COX5A: variants seen among roughly 807,000 people sequenced by gnomAD.
COX5A encodes cytochrome c oxidase subunit 5A.
A neutral mutation model predicts 16.1 loss-of-function variants in COX5A; 6 were observed. The ratio of observed to expected loss-of-function variants is 0.37; its 90% confidence interval spans 0.20 to 0.73. The LOEUF (loss-of-function observed/expected upper bound fraction) is 0.73, where lower values mean the gene tolerates loss of function less well. Ranked by LOEUF, COX5A falls within the 30% of genes least tolerant of loss-of-function variation. The pLI, the probability that COX5A is intolerant of heterozygous loss-of-function variation, is 0.50. For synonymous variants in COX5A, 73 were observed against 73.8 expected (o/e 0.99, Z 0.06); for missense variants, 159 against 194.9 (o/e 0.82, Z 1.10).
Position 74,926,786 on chromosome 15 carries a change from G to A in COX5A, c.319C>T (p.Arg107Cys), listed in dbSNP as rs2065346374. 2 of 1,612,582 alleles carry A rather than the reference G, an allele frequency of 1.2e-6. No homozygotes were observed. Among genetic ancestry groups the A allele is most frequent in the Non-Finnish European group, 8.5e-7 (1 of 1,179,498 alleles). ...RRLNDFASTV[R>C]ILEVVKDKAG... ...CTGACCTTAACAACCTCTAGGATAC[G>A]AACTGTACTAGCAAAATCATTTAAC... Residue 107 changes from arginine to cysteine, a missense_variant, in exon 3 of 5, where the codon CGT (arginine) becomes TGT (cysteine). Coordinates refer to ENST00000322347, the MANE Select transcript of COX5A (RefSeq NM_004255.4).
intron 3 of COX5A, among the ~76,000 whole-genome samples, chr15:74,925,422 CTT>C (rs2065339085): frequency 1.3e-5 from 2 of 151,954 alleles, no homozygotes; most frequent in South Asian, 2.1e-4. Flanking sequence ...GTTTCTCTCT[CTT>C]GTTGCCCAGG....
In COX5A at chr15:74,920,457, A is replaced by G; in HGVS notation, c.*10-15T>C. ...GGGAAGCCCATCTGTAAGAGAAAAC[A>G]CAAAGAATTAGCCAGGAAAGAATAA... On this transcript the variant is annotated splice_polypyrimidine_tract_variant and intron_variant, in intron 4 of 4. Coordinates refer to ENST00000322347, the MANE Select transcript of COX5A (RefSeq NM_004255.4). 4.3e-6 allele frequency: 3 copies of G among 689,736 alleles called. No individual in the cohort carries two copies. The highest frequency in any genetic ancestry group is 7.9e-6 in the Non-Finnish European group (3 of 381,770). The allele number at this position is 689,736 out of a possible 1,614,324, so 42.7% of individuals were successfully genotyped here. A position where few individuals can be genotyped will look rare whatever the true frequency, so the allele number is the denominator to read the frequency against.
chr15:74,938,035 G>T lies in COX5A; in HGVS notation c.-21C>A. The T allele has an allele frequency of 3.3e-6, 4 of 1,226,756 alleles. No homozygotes were observed. Among genetic ancestry groups the T allele is most frequent in the Non-Finnish European group, 4.1e-6 (4 of 983,938 alleles). The allele number at this position is 1,226,756 out of a possible 1,614,324, so 76.0% of individuals were successfully genotyped here. A position where few individuals can be genotyped will look rare whatever the true frequency, so the allele number is the denominator to read the frequency against. ...AGCATGACGGCGATGGCGGCGCGCG[G>T]GCTGAGGACAGAGAGAAGCCGGTGT... On this transcript the variant is annotated 5_prime_UTR_variant, in exon 1 of 5. Coordinates refer to ENST00000322347, the MANE Select transcript of COX5A (RefSeq NM_004255.4).
intron 3 of COX5A, among the ~76,000 whole-genome samples, chr15:74,925,216 C>T (rs2065338149): frequency 6.6e-6 from 1 of 151,744 alleles, no homozygotes; most frequent in South Asian, 2.1e-4. Context: ...AGAAGAATTG[C>T]TTGAACCCAG....
chr15:74,933,092 T>C (rs138459765), intron 1 of COX5A, among the ~76,000 whole-genome samples: 13 of 152,154 alleles, frequency 8.5e-5, no homozygotes, highest in African/African-American at 2.4e-4. Flanking sequence ...TTAATAAGTC[T>C]TACAAGACTA....
chr15:74,922,866 A>G (rs879698897), intron 4 of COX5A, among the ~76,000 whole-genome samples: 5 of 151,906 alleles, frequency 3.3e-5, no homozygotes, highest in Non-Finnish European at 7.4e-5. Flanking sequence ...AGGTTTCACC[A>G]TGCTGGTCTC....
chr15:74,933,442 TCTATCTATCTA>T (rs1283399470), intron 1 of COX5A, among the ~76,000 whole-genome samples: 1 of 151,374 alleles, frequency 6.6e-6, no homozygotes, highest in Non-Finnish European at 1.5e-5. Context: ...TATCTATCTA[TCTATCTATCTA>T]TCTATCTATC....
intron 4 of COX5A, among the ~76,000 whole-genome samples, chr15:74,920,825 A>G (rs1300051939): frequency 6.6e-6 from 1 of 152,028 alleles, no homozygotes; most frequent in Non-Finnish European, 1.5e-5. Flanking sequence ...TAAAATACAA[A>G]AAATTAGCCT....
intron 2 of COX5A, 119 bp downstream of exon 2, chr15:74,928,997 T>C: frequency 1.4e-6 from 1 of 732,028 alleles, no homozygotes; most frequent in Non-Finnish European, 2.4e-6. Context: ...TAACTGCAAG[T>C]TGCATGAAGT....
In COX5A at chr15:74,923,921, T is replaced by A. The variant is rs1047106533; in HGVS notation, c.340-151A>T. 30 of 594,856 alleles carry A rather than the reference T, an allele frequency of 5.0e-5. No homozygotes were observed. The Admixed American group carries it at 6.0e-4, about 12-fold the overall frequency. 36.8% of individuals were successfully genotyped at this position (594,856 alleles called of 1,614,324 possible). ...TCAGCTGGGCATGGTGGCTCACACC[T>A]GTAATCCCAGCACTTTGGGAGGCTG... On this transcript the variant is annotated intron_variant, in intron 3 of 4. Transcript: ENST00000322347.
chr15:74,920,719 T>A lies in COX5A; in HGVS notation c.*10-277A>T, dbSNP rs2065315958. ...TGGGCCGGACACGGTGACTCATGCC[T>A]GTAACGCTAGCCCTTTGGAAAGCCG... On this transcript the variant is annotated intron_variant, in intron 4 of 4. Coordinates refer to ENST00000322347, the MANE Select transcript of COX5A (RefSeq NM_004255.4). 2.6e-5 allele frequency among the ~76,000 whole-genome samples: 4 copies of A among 152,296 alleles called. No homozygotes were observed. The South Asian group carries it at 8.3e-4, about 32-fold the overall frequency.
At chr15:74,920,982 A>AAAAAAAAG (rs1376620967) in intron 4 of COX5A, among the ~76,000 whole-genome samples, 1 of 151,980 alleles carries the variant, frequency 6.6e-6, no homozygotes, top group Non-Finnish European at 1.5e-5. Flanking sequence ...GTCTCCCAAC[A>AAAAAAAAG]AAAAAAAGAA....
intron 2 of COX5A, among the ~76,000 whole-genome samples, chr15:74,928,455 G>A (rs2065353048): frequency 6.6e-6 from 1 of 151,992 alleles, no homozygotes; most frequent in Non-Finnish European, 1.5e-5. Flanking sequence ...CGCGATCTCG[G>A]CTCACTGCAA....
At chr15:74,928,099 T>A (rs2065351577) in intron 2 of COX5A, among the ~76,000 whole-genome samples, 1 of 152,238 alleles carries the variant, frequency 6.6e-6, no homozygotes, top group Non-Finnish European at 1.5e-5. Flanking sequence ...ATCATTACAT[T>A]TCTGCAGAGA....
chr15:74,929,372 A>G (rs1321547318), intron 1 of COX5A, 140 bp from the exon 2 acceptor site: 3 of 608,782 alleles, frequency 4.9e-6, no homozygotes, highest in Non-Finnish European at 5.9e-6. Context: ...CATCGTATAC[A>G]TTGATACAGA....
chr15:74,935,504 G>A (rs528190039), intron 1 of COX5A, among the ~76,000 whole-genome samples: 2 of 151,686 alleles, frequency 1.3e-5, no homozygotes, highest in East Asian at 3.9e-4. Flanking sequence ...GAAGGTGGAG[G>A]CAGGAGGATC....
intron 3 of COX5A, 74 bp from the exon 4 acceptor site, chr15:74,923,844 A>C: frequency 1.0e-6 from 1 of 956,180 alleles, no homozygotes; most frequent in South Asian, 1.4e-5. Flanking sequence ...TGAACTTAAA[A>C]ATGCCTTTAA....
intron 1 of COX5A, among the ~76,000 whole-genome samples, chr15:74,930,689 A>T (rs1157755217): frequency 6.7e-6 from 1 of 149,858 alleles, no homozygotes; most frequent in Non-Finnish European, 1.5e-5. Flanking sequence ...CAAGTTCTTA[A>T]ATAAACTTAT....
At chr15:74,930,725 A>G (rs985902141) in intron 1 of COX5A, among the ~76,000 whole-genome samples, 1 of 150,328 alleles carries the variant, frequency 6.7e-6, no homozygotes, top group African/African-American at 2.4e-5. Context: ...ATTAAAAAAA[A>G]AAAAATCTCG....
Sources: allele counts gnomAD v4.1 joint callset (sites outside exome capture counted in the v4.1 genomes callset), GRCh38; gene constraint gnomAD v4.1.1; transcripts MANE v1.5; gene names NCBI Gene and HGNC (gene_info 2026-07-23, HGNC 2026-07-21).